The following PCDHGA1 variants were observed in gnomAD, a reference collection of about 807,000 sequenced individuals.
The protein encoded by PCDHGA1 is protocadherin gamma-A1.
In PCDHGA1, 32 loss-of-function variants were observed where a neutral mutation model predicts 58.0. That is an observed-to-expected ratio of 0.55 (90% confidence interval 0.42 to 0.74). PCDHGA1 has a LOEUF of 0.74. PCDHGA1 is among the 30% of genes least tolerant of loss of function. The pLI is 0.00. For missense variants in PCDHGA1, 1,205 were observed against 1,182.3 expected, an observed-to-expected ratio of 1.02 and a Z score of -0.28; for synonymous variants, 498 against 501.1, an observed-to-expected ratio of 0.99 and a Z score of 0.08.
Position 141,486,032 on chromosome 5 carries a change from G to C in PCDHGA1, c.2422-8775G>C, listed in dbSNP as rs560909128. The C allele has an allele frequency of 1.2e-6, 2 of 1,614,166 alleles. No individual in the cohort carries two copies. Among genetic ancestry groups the C allele is most frequent in the African/African-American group, 2.7e-5 (2 of 75,034 alleles). On this transcript the variant is annotated intron_variant, in intron 1 of 3. Transcript: ENST00000517417. This position sits in a 1 kb window ranked among gnomAD's most constrained non-coding sequence, Gnocchi z 5.0. ...CTTTTATTTCAGTGGTCATACCCCT[G>C]ATCGTGTAAGAAACCTCTTTAGCCT... is the stretch of plus-strand genomic sequence containing the variant.
chr5:141,371,887 C>G (rs372336757), intron 1 of PCDHGA1: 41 of 1,613,306 alleles, frequency 2.5e-5, no homozygotes, highest in Non-Finnish European at 3.4e-5. Context: ...GACCTGGAGC[C>G]GCGGGAGCTG....
chr5:141,455,343 G>T (rs1462807460), intron 1 of PCDHGA1, among the ~76,000 whole-genome samples: 1 of 152,036 alleles, frequency 6.6e-6, no homozygotes, highest in Non-Finnish European at 1.5e-5. Flanking sequence ...TTTAAGGAGC[G>T]GAGAGTTTAA....
chr5:141,408,344 G>A, intron 1 of PCDHGA1: 1 of 1,613,958 alleles, frequency 6.2e-7, no homozygotes, highest in East Asian at 2.2e-5. Flanking sequence ...CTCGGTGGTG[G>A]GGAACCTCGC....
At position 141,477,369 on chromosome 5, in the gene PCDHGA1, A is replaced by G; in HGVS notation, c.2422-17438A>G. The G allele has an allele frequency of 6.2e-7, 1 of 1,614,164 alleles. No individual in the cohort carries two copies. Among genetic ancestry groups the G allele is most frequent in the Non-Finnish European group, 8.5e-7 (1 of 1,180,026 alleles). ...AAAACCAGTGCAGACCTGGATCGGG[A>G]GACTGTGCCAGAATACAACCTCAGC... On this transcript the variant is annotated intron_variant, in intron 1 of 3. Transcript: ENST00000517417. The surrounding 1 kb of genome is among the most constrained non-coding windows in gnomAD (Gnocchi z 4.9).
At position 141,362,582 on chromosome 5, in the gene PCDHGA1, C is replaced by T. The variant is rs1227713684; in HGVS notation, c.2421+29477C>T. 3 of 1,600,324 alleles carry T rather than the reference C, an allele frequency of 1.9e-6. No individual in the cohort carries two copies. In the African/African-American group the frequency reaches 4.0e-5, roughly 22 times the overall value. On this transcript the variant is annotated intron_variant, in intron 1 of 3. Transcript: ENST00000517417. ...GTGAGCTTTAATTAATTTATTTTCA[C>T]TTCTGGTTTTATTGTTTCACCTAAT... is the stretch of plus-strand genomic sequence containing the variant.
At chr5:141,387,955 T>C in intron 1 of PCDHGA1, 1 of 1,493,874 alleles carries the variant, frequency 6.7e-7, no homozygotes. Flanking sequence ...CTGCTGTCTT[T>C]GTTCTGCCCG....
chr5:141,454,587 G>A (rs1000852095), intron 1 of PCDHGA1, among the ~76,000 whole-genome samples: 22 of 150,902 alleles, frequency 1.5e-4, no homozygotes, highest in African/African-American at 5.4e-4. Context: ...TGTATTTTTA[G>A]TAGAGACAGG....
Position 141,419,025 on chromosome 5 carries a change from G to T in PCDHGA1, c.2422-75782G>T, listed in dbSNP as rs2096315076. 6.2e-6 allele frequency: 10 copies of T among 1,613,736 alleles called. No homozygotes were observed. In the East Asian group the frequency reaches 2.0e-4, roughly 32 times the overall value. On this transcript the variant is annotated intron_variant, in intron 1 of 3. Transcript: ENST00000517417. ...GAAGTCAGGTGTAGCTTAAGTAGAG[G>T]TGTTCCATTTAAGATTCATTCTTCT...
chr5:141,364,432 G>C (rs763376851), intron 1 of PCDHGA1: 3 of 1,613,796 alleles, frequency 1.9e-6, no homozygotes, highest in Non-Finnish European at 8.5e-7. Context: ...TCCGCTACTC[G>C]ATGCCGGAGG....
At chr5:141,356,932 G>A (rs1309058064) in intron 1 of PCDHGA1, 1 of 1,614,196 alleles carries the variant, frequency 6.2e-7, no homozygotes, top group African/African-American at 1.3e-5. Flanking sequence ...TGTGGAGCTG[G>A]CACCCCGCTC....
At chr5:141,399,041 T>A (rs375762745) in intron 1 of PCDHGA1, 150 of 1,613,746 alleles carry the variant, frequency 9.3e-5, no homozygotes, top group Non-Finnish European at 1.2e-4. Context: ...AAACTGGATT[T>A]TGAAGAGACC....
intron 1 of PCDHGA1, among the ~76,000 whole-genome samples, chr5:141,387,512 T>G (rs1371060044): frequency 1.3e-5 from 2 of 152,256 alleles, no homozygotes; most frequent in South Asian, 4.1e-4. Flanking sequence ...TTAGACGTCA[T>G]TAAATATACA....
At chr5:141,375,059 G>T in intron 1 of PCDHGA1, 3 of 1,614,038 alleles carry the variant, frequency 1.9e-6, no homozygotes, top group Non-Finnish European at 1.7e-6. Flanking sequence ...GGATGGGCCA[G>T]GTCTTCGAGA....
At chr5:141,501,312 C>T (rs2099807672) in intron 2 of PCDHGA1, among the ~76,000 whole-genome samples, 1 of 151,778 alleles carries the variant, frequency 6.6e-6, no homozygotes, top group South Asian at 2.1e-4. Context: ...CACACACACA[C>T]ACACACACAC....
At chr5:141,423,210 C>T in intron 1 of PCDHGA1, 2 of 1,613,696 alleles carry the variant, frequency 1.2e-6, no homozygotes, top group Non-Finnish European at 1.7e-6. Flanking sequence ...CCGTCACGCT[C>T]ACCGTGGCTG....
chr5:141,465,505 G>C (rs905617997), intron 1 of PCDHGA1, among the ~76,000 whole-genome samples: 1 of 152,190 alleles, frequency 6.6e-6, no homozygotes, highest in Non-Finnish European at 1.5e-5. Context: ...CATTGTCGTG[G>C]TCAGGAAGGA....
Position 141,331,304 on chromosome 5 carries a change from T to C in PCDHGA1, c.620T>C (p.Val207Ala), listed in dbSNP as rs1390915137. 6.2e-7 allele frequency: 1 copy of C among 1,614,142 alleles called. No homozygotes were observed. Among genetic ancestry groups the C allele is most frequent in the Admixed American group, 1.7e-5 (1 of 60,020 alleles). Residue 207 changes from valine to alanine, a missense_variant, in exon 1 of 4, where the codon GTC (valine) becomes GCC (alanine). Val to Ala is a moderately conservative substitution (Grantham distance 64). Coordinates refer to ENST00000517417, the MANE Select transcript of PCDHGA1 (RefSeq NM_018912.3). Reference sequence around the variant, plus strand: ...CCCTTAGACAGAGAAGAAGAAGCTGTCCACCACCTCATCCTCACAGCTTCT... The same window carrying C: ...CCCTTAGACAGAGAAGAAGAAGCTGCCCACCACCTCATCCTCACAGCTTCT... ...QSPLDREEEA[V>A]HHLILTASDG...
At chr5:141,360,345 G>A (rs763623881) in intron 1 of PCDHGA1, 2 of 1,613,886 alleles carry the variant, frequency 1.2e-6, no homozygotes, top group Admixed American at 1.7e-5. Context: ...GGGTTAGCGC[G>A]GAGAAGGAAT....
intron 1 of PCDHGA1, chr5:141,423,386 G>T: frequency 6.2e-7 from 1 of 1,614,160 alleles, no homozygotes; most frequent in Middle Eastern, 1.7e-4. Flanking sequence ...CTGTGGCGCT[G>T]GCATAAGTCA....
Sources: gnomAD v4.1 joint callset for allele counts (sites outside exome capture counted in the v4.1 genomes callset) on GRCh38, gnomAD v4.1.1 for gene constraint, Gnocchi (gnomAD v3.1) non-coding constraint, MANE v1.5 for transcripts, NCBI Gene and HGNC (gene_info 2026-07-23, HGNC 2026-07-21) for gene names.